The following EXT2 variants were observed in gnomAD, a reference collection of about 807,000 sequenced individuals.
EXT2 encodes exostosin glycosyltransferase 2.
EXT2 carries 53 observed loss-of-function variants against 81.6 expected under a neutral mutation model. The ratio of observed to expected loss-of-function variants is 0.65; its 90% confidence interval spans 0.52 to 0.82. EXT2 has a LOEUF of 0.82. EXT2 is among the 40% of genes least tolerant of loss of function. The probability of loss-of-function intolerance (pLI) is 0.00; values close to 1 mark genes in which losing one functional copy is unlikely to be tolerated. For missense variants in EXT2, 774 were observed against 910.2 expected (o/e 0.85, Z 1.93); for synonymous variants, 320 against 340.0 (o/e 0.94, Z 0.65).
chr11:44,181,113 A>AG (rs1377418747), intron 8 of EXT2, among the ~76,000 whole-genome samples: 4 of 150,480 alleles, frequency 2.7e-5, no homozygotes, highest in Admixed American at 6.7e-5. Context: ...AAAAAAAAAA[A>AG]GTTTTTTATT....
Position 44,114,213 on chromosome 11 carries a change from A to T in EXT2, c.655A>T (p.Thr219Ser), listed in dbSNP as rs1954187933. 6.2e-7 allele frequency: 1 copy of T among 1,614,126 alleles called. No homozygotes were observed. The highest frequency in any genetic ancestry group is 8.5e-7 in the Non-Finnish European group (1 of 1,179,992). Residue 219 changes from threonine to serine, a missense_variant, in exon 4 of 14, where the codon ACG (threonine) becomes TCG (serine). Around this residue, in one of 2 missense-constraint regions of EXT2, gnomAD observed 626 missense variants for 670.5 expected, o/e 0.93. Coordinates refer to ENST00000533608, the MANE Select transcript of EXT2 (RefSeq NM_207122.2). Reference sequence around the variant, plus strand: ...CCTGTTGGCTGGTGGCGGCTTTTCTACGTGGACTTACCGGCAAGGCTACGA... The same window carrying T: ...CCTGTTGGCTGGTGGCGGCTTTTCTTCGTGGACTTACCGGCAAGGCTACGA... ...RALLAGGGFSTWTYRQGYDVS... is the reference protein window; with the variant it reads ...RALLAGGGFSSWTYRQGYDVS...
chr11:44,140,533 G>A (rs1013713662), intron 7 of EXT2, among the ~76,000 whole-genome samples: 7 of 152,080 alleles, frequency 4.6e-5, no homozygotes, highest in African/African-American at 1.2e-4. Flanking sequence ...CTGAGGGGAA[G>A]GAAAAACCAT....
intron 10 of EXT2, among the ~76,000 whole-genome samples, chr11:44,228,507 A>T (rs1426661833): frequency 6.6e-6 from 1 of 152,204 alleles, no homozygotes; most frequent in Non-Finnish European, 1.5e-5. Context: ...ACTAGGGCTC[A>T]ATTAGAGAGG....
intron 8 of EXT2, among the ~76,000 whole-genome samples, chr11:44,190,263 A>G (rs569598997): frequency 5.9e-5 from 9 of 152,374 alleles, no homozygotes; most frequent in African/African-American, 2.2e-4. Context: ...CACATCATGC[A>G]TAATTGGAGC....
At chr11:44,184,270 A>G (rs557055213) in intron 8 of EXT2, among the ~76,000 whole-genome samples, 1 of 152,012 alleles carries the variant, frequency 6.6e-6, no homozygotes, top group Non-Finnish European at 1.5e-5. Flanking sequence ...AGGGAATTTT[A>G]TTTTTTCATG....
intron 10 of EXT2, among the ~76,000 whole-genome samples, chr11:44,219,075 A>G (rs992067381): frequency 6.6e-6 from 1 of 152,156 alleles, no homozygotes; most frequent in South Asian, 2.1e-4. Flanking sequence ...TGCTGGGCCT[A>G]CAGGTGTGAG....
At position 44,247,243 on chromosome 11, in the gene EXT2, C is replaced by CT. The variant is rs11421737; in HGVS notation, c.*2976dup. 0.32 allele frequency among the ~76,000 whole-genome samples: 37,195 copies of CT among 115,104 alleles called. 7,274 individuals carry two copies. Among genetic ancestry groups the CT allele is most frequent in the East Asian group, 0.42 (1,651 of 3,952 alleles). 75.5% of individuals were successfully genotyped at this position (115,104 alleles called of 152,430 possible). A position where few individuals can be genotyped will look rare whatever the true frequency, so the allele number is the denominator to read the frequency against. Reference sequence around the variant, plus strand: ...CCTGCCAGTGATGCTCTGCTGTATCCTTTTTTTTTTTTTTTTTTTTGAGAC... The same window carrying CT: ...CCTGCCAGTGATGCTCTGCTGTATCCTTTTTTTTTTTTTTTTTTTTTGAGAC... On this transcript the variant is annotated 3_prime_UTR_variant, in exon 14 of 14. Transcript: ENST00000533608.
chr11:44,107,388 A>G (rs1223396299), intron 1 of EXT2, among the ~76,000 whole-genome samples: 2 of 152,032 alleles, frequency 1.3e-5, no homozygotes, highest in African/African-American at 4.8e-5. Flanking sequence ...TGAGCTCAGG[A>G]GTTCAAGACC....
rs780623640 is a variant in EXT2 at position 44,198,005 on chromosome 11, A to T, written c.1482A>T (p.Lys494Asn). 1 of 1,614,094 alleles carries T rather than the reference A, an allele frequency of 6.2e-7. No homozygotes were observed. The highest frequency in any genetic ancestry group is 1.3e-5 in the African/African-American group (1 of 75,024). The part of the protein sequence containing the change: ...KLLVVWNNQN[K>N]NPPEDSLWPK... Reference sequence around the variant, plus strand: ...TTGTCGTCTGGAATAATCAGAATAAAAACCCTCCAGAAGGTAAGAAGCCTT... The same window carrying T: ...TTGTCGTCTGGAATAATCAGAATAATAACCCTCCAGAAGGTAAGAAGCCTT... Residue 494 changes from lysine to asparagine, a missense_variant, in exon 9 of 14, where the codon AAA becomes AAT. Transcript: ENST00000533608.
At chr11:44,110,987 A>G (rs1198289701) in intron 3 of EXT2, among the ~76,000 whole-genome samples, 3 of 152,188 alleles carry the variant, frequency 2.0e-5, no homozygotes, top group Admixed American at 1.3e-4. Flanking sequence ...CTTATCCTTC[A>G]TCCTTGCTCC....
intron 1 of EXT2, among the ~76,000 whole-genome samples, chr11:44,099,834 G>C (rs1419838326): frequency 1.3e-5 from 2 of 152,098 alleles, no homozygotes; most frequent in East Asian, 1.9e-4. Context: ...GCTTAGTAAG[G>C]GGCTTTTCCC....
At chr11:44,207,119 G>GTC (rs1331946269) in intron 10 of EXT2, among the ~76,000 whole-genome samples, 160 bp downstream of exon 10, 1 of 152,210 alleles carries the variant, frequency 6.6e-6, no homozygotes, top group Non-Finnish European at 1.5e-5. Context: ...GGGTTATGAA[G>GTC]CTGTTCTTTG....
intron 10 of EXT2, among the ~76,000 whole-genome samples, chr11:44,230,959 A>T (rs934511398): frequency 6.6e-6 from 1 of 152,250 alleles, no homozygotes; most frequent in African/African-American, 2.4e-5. Flanking sequence ...GCATATGATC[A>T]TATGACTTTT....
chr11:44,166,332 A>T (rs919610877), intron 7 of EXT2, among the ~76,000 whole-genome samples: 6 of 152,212 alleles, frequency 3.9e-5, no homozygotes, highest in Non-Finnish European at 1.5e-5. Flanking sequence ...TTTTGGCTGG[A>T]TGATAGGAGA....
In EXT2 at chr11:44,101,534, G is replaced by A. The variant is rs146672781; in HGVS notation, c.-31+5682G>A. 1.8e-3 allele frequency among the ~76,000 whole-genome samples: 281 copies of A among 152,278 alleles called. 1 individual carries two copies. Among genetic ancestry groups the A allele is most frequent in the African/African-American group, 6.2e-3 (259 of 41,556 alleles). ...CACTTTGGACTGCAATAAATGCGGT[G>A]GAGGCATCAGAACTATTTTGGCAGA... On this transcript the variant is annotated intron_variant, in intron 1 of 13. Coordinates refer to ENST00000533608, the MANE Select transcript of EXT2 (RefSeq NM_207122.2).
At chr11:44,116,761 T>A (rs777082618) in intron 4 of EXT2, 1 of 152,370 alleles carries the variant, frequency 6.6e-6, no homozygotes. Context: ...CACTGACTAA[T>A]AATTTTGAGT....
At chr11:44,225,362 TGG>T (rs1955827163) in intron 10 of EXT2, among the ~76,000 whole-genome samples, 1 of 152,220 alleles carries the variant, frequency 6.6e-6, no homozygotes, top group South Asian at 2.1e-4. Flanking sequence ...CACAGCTGAC[TGG>T]AGTTCTTTCT....
At chr11:44,176,410 G>A (rs1590623311) in intron 8 of EXT2, among the ~76,000 whole-genome samples, 2 of 152,040 alleles carry the variant, frequency 1.3e-5, no homozygotes, top group African/African-American at 4.8e-5. Context: ...CAATTTGAGA[G>A]GTAACATAAG....
chr11:44,119,577 C>G (rs1954286995), intron 4 of EXT2, among the ~76,000 whole-genome samples: 1 of 152,168 alleles, frequency 6.6e-6, no homozygotes, highest in Non-Finnish European at 1.5e-5. Context: ...CTTCCAGACT[C>G]CCAGAAGGAA....
Sources: allele counts gnomAD v4.1 joint callset (sites outside exome capture counted in the v4.1 genomes callset), GRCh38; gene constraint gnomAD v4.1.1; regional missense constraint gnomAD v4.1.1; transcripts MANE v1.5; gene names NCBI Gene and HGNC (gene_info 2026-07-23, HGNC 2026-07-21).